Variants in SMAD3 observed in about 807,000 individuals in gnomAD.
SMAD3 encodes SMAD family member 3, also known as MAD homolog 3.
SMAD3 carries 12 observed loss-of-function variants against 51.8 expected under a neutral mutation model. The ratio of observed to expected loss-of-function variants is 0.23; its 90% CI spans 0.15 to 0.38. The LOEUF (loss-of-function observed/expected upper bound fraction) is 0.38, where lower values mean the gene tolerates loss of function less well. SMAD3 is among the 10% of genes least tolerant of loss of function. The pLI is 1.00. For synonymous variants in SMAD3, 238 were observed against 227.7 expected, an observed-to-expected ratio of 1.05 and a Z score of -0.41; for missense variants, 294 against 565.6, an observed-to-expected ratio of 0.52 and a Z score of 4.87.
chr15:67,102,247 A>T (rs201443289), intron 1 of SMAD3, among the ~76,000 whole-genome samples: 2 of 149,098 alleles, frequency 1.3e-5, no homozygotes, highest in African/African-American at 5.0e-5. Flanking sequence ...ATGCTGTGAA[A>T]GTGTGTGTGT....
At chr15:67,085,418 A>G (rs1256490937) in intron 1 of SMAD3, among the ~76,000 whole-genome samples, 3 of 152,164 alleles carry the variant, frequency 2.0e-5, no homozygotes. Context: ...TCCACCTTAA[A>G]AACTCTGATT....
intron 1 of SMAD3, among the ~76,000 whole-genome samples, chr15:67,151,421 C>T (rs1962140758): frequency 6.6e-6 from 1 of 152,156 alleles, no homozygotes; most frequent in South Asian, 2.1e-4. Flanking sequence ...CAACCTCCAC[C>T]TCCTGGGTTC....
chr15:67,100,567 TTAA>T (rs1485350381), intron 1 of SMAD3, among the ~76,000 whole-genome samples: 1 of 152,106 alleles, frequency 6.6e-6, no homozygotes, highest in Non-Finnish European at 1.5e-5. Context: ...AATTACAATA[TTAA>T]TATATTGTGA....
At chr15:67,187,325 C>T (rs1278349107) in intron 7 of SMAD3, 40 bp from the exon 8 acceptor site, 1 of 1,613,902 alleles carries the variant, frequency 6.2e-7, no homozygotes, top group Non-Finnish European at 8.5e-7. Flanking sequence ...CGGACCTGGC[C>T]ACTTCCATCC....
At chr15:67,160,913 T>C (rs1010117860) in intron 1 of SMAD3, among the ~76,000 whole-genome samples, 1 of 152,120 alleles carries the variant, frequency 6.6e-6, no homozygotes, top group African/African-American at 2.4e-5. Flanking sequence ...TGCTTGCCTT[T>C]TTATTCCTTT....
intron 8 of SMAD3, among the ~76,000 whole-genome samples, 195 bp downstream of exon 8, chr15:67,187,704 G>A (rs146344428): frequency 4.6e-5 from 7 of 152,338 alleles, no homozygotes; most frequent in Admixed American, 3.3e-4. Context: ...ATTGCAGAAC[G>A]ATGTTTGCTG....
intron 1 of SMAD3, among the ~76,000 whole-genome samples, chr15:67,082,292 GC>G (rs1490816173): frequency 6.6e-6 from 1 of 152,126 alleles, no homozygotes; most frequent in African/African-American, 2.4e-5. Context: ...CATGCCCAGG[GC>G]CACACATTTT....
intron 1 of SMAD3, among the ~76,000 whole-genome samples, chr15:67,073,069 T>C (rs1008636200): frequency 1.3e-5 from 2 of 152,238 alleles, no homozygotes; most frequent in African/African-American, 2.4e-5. Context: ...TCTTTGGAGT[T>C]GTAAGAATGC....
In SMAD3 at chr15:67,079,439, G is replaced by A. The variant is rs548942463; in HGVS notation, c.206+13079G>A. ...CAAAATTATATTGGAATATGAGCTC[G>A]GGGCACATAGGCTCTGGTGCCTTGT... On this transcript the variant is annotated intron_variant, in intron 1 of 8. Coordinates refer to ENST00000327367, the MANE Select transcript of SMAD3 (RefSeq NM_005902.4). Among the ~76,000 whole-genome samples, 9 of 152,186 alleles carry A rather than the reference G, an allele frequency of 5.9e-5. No homozygotes were observed. The South Asian group carries it at 1.2e-3, about 21-fold the overall frequency.
At chr15:67,147,985 A>G (rs1466452172) in intron 1 of SMAD3, among the ~76,000 whole-genome samples, 1 of 152,160 alleles carries the variant, frequency 6.6e-6, no homozygotes, top group Admixed American at 6.5e-5. Context: ...TTGTTGCTCC[A>G]TGTACAGTAG....
At chr15:67,154,817 A>T (rs573344742) in intron 1 of SMAD3, among the ~76,000 whole-genome samples, 54 of 151,754 alleles carry the variant, frequency 3.6e-4, no homozygotes, top group East Asian at 7.7e-4. Flanking sequence ...CCCTTTTTTT[A>T]AAAAAAAATT....
intron 1 of SMAD3, among the ~76,000 whole-genome samples, chr15:67,069,718 T>C (rs1301485702): frequency 6.6e-6 from 1 of 152,000 alleles, no homozygotes; most frequent in African/African-American, 2.4e-5. Flanking sequence ...CTGATGTTTT[T>C]TTTTTGGAGA....
intron 1 of SMAD3, among the ~76,000 whole-genome samples, chr15:67,087,121 C>G (rs1231604876): frequency 6.6e-6 from 1 of 152,078 alleles, no homozygotes; most frequent in Non-Finnish European, 1.5e-5. Context: ...CTCCTGACTT[C>G]AGGTGATCTG....
intron 1 of SMAD3, among the ~76,000 whole-genome samples, chr15:67,156,450 C>A (rs958169995): frequency 3.9e-5 from 6 of 152,082 alleles, no homozygotes; most frequent in African/African-American, 1.4e-4. Flanking sequence ...AGGGGTATGC[C>A]CCATTTAGAA....
intron 1 of SMAD3, among the ~76,000 whole-genome samples, chr15:67,119,342 G>C (rs925856796): frequency 6.6e-6 from 1 of 152,208 alleles, no homozygotes; most frequent in Non-Finnish European, 1.5e-5. Context: ...AGTCATGATG[G>C]AGTGTTGGGG....
chr15:67,173,374 G>A (rs534894816), intron 5 of SMAD3, among the ~76,000 whole-genome samples: 7 of 152,164 alleles, frequency 4.6e-5, no homozygotes, highest in African/African-American at 1.4e-4. Flanking sequence ...AGTGTGGATG[G>A]AGTGGGGAGA....
In SMAD3 at chr15:67,073,968, C is replaced by T. The variant is rs114388031; in HGVS notation, c.206+7608C>T. Among the ~76,000 whole-genome samples the T allele has an allele frequency of 6.3e-3, 961 of 152,320 alleles. 12 individuals carry two copies. The highest frequency in any genetic ancestry group is 0.022 in the African/African-American group (917 of 41,562). ...GATTCCAGGCCTGAGCCACCGCGCC[C>T]GGCCACATACAAACATTTTAAAAGC... On this transcript the variant is annotated intron_variant, in intron 1 of 8. Transcript: ENST00000327367.
rs1404439168 is a variant in SMAD3 at position 67,193,285 on chromosome 15, CGT to C, written c.*2754_*2755del. ...GGCGTTCACCTAGTCAACACGACCG[CGT>C]GTGTTGCCCCTGCCCTGGGCTCCCC... On this transcript the variant is annotated 3_prime_UTR_variant, in exon 9 of 9. Coordinates refer to ENST00000327367, the MANE Select transcript of SMAD3 (RefSeq NM_005902.4). The C allele has an allele frequency of 8.6e-6, 2 of 233,342 alleles. No individual in the cohort carries two copies. The highest frequency in any genetic ancestry group is 1.7e-5 in the Non-Finnish European group (2 of 118,078). The allele number at this position is 233,342 out of a possible 1,614,324, so 14.5% of individuals were successfully genotyped here.
At chr15:67,093,160 TCAGGA>T (rs952307860) in intron 1 of SMAD3, among the ~76,000 whole-genome samples, 34 of 152,342 alleles carry the variant, frequency 2.2e-4, no homozygotes, top group Non-Finnish European at 3.8e-4. Context: ...AACCCTGGTG[TCAGGA>T]CAGGACTCCT....
Sources: gnomAD v4.1 joint callset for allele counts (sites outside exome capture counted in the v4.1 genomes callset) on GRCh38, gnomAD v4.1.1 for gene constraint, MANE v1.5 for transcripts, NCBI Gene and HGNC (gene_info 2026-07-23, HGNC 2026-07-21) for gene names.